PLLP: variants seen among roughly 807,000 people sequenced by gnomAD.
The protein encoded by PLLP is plasma membrane proteolipid (plasmolipin).
PLLP carries 15 observed loss-of-function variants against 19.7 expected under a neutral mutation model. The ratio of observed to expected loss-of-function variants is 0.76; its 90% CI spans 0.51 to 1.17. PLLP has a LOEUF of 1.17. Ranked by LOEUF, PLLP falls within the 50% of genes most tolerant of loss-of-function variation. PLLP has a pLI of 0.00. For missense variants in PLLP, 255 were observed against 258.3 expected, an observed-to-expected ratio of 0.99 and a Z score of 0.09; for synonymous variants, 111 against 116.3, an observed-to-expected ratio of 0.95 and a Z score of 0.29.
chr16:57,262,115 A>G (rs1323964353), intron 1 of PLLP, 45 bp from the exon 2 acceptor site: 2 of 1,585,776 alleles, frequency 1.3e-6, no homozygotes, highest in Non-Finnish European at 1.7e-6. Flanking sequence ...ATGCGGTTTC[A>G]TTTCTTATCT....
chr16:57,275,856 T>G (rs543755623), intron 1 of PLLP, among the ~76,000 whole-genome samples: 73 of 152,274 alleles, frequency 4.8e-4, no homozygotes, highest in African/African-American at 1.6e-3. Flanking sequence ...CGCCTTGCAT[T>G]TATAATTTCA....
At chr16:57,267,783 G>A (rs2075462143) in intron 1 of PLLP, among the ~76,000 whole-genome samples, 1 of 145,768 alleles carries the variant, frequency 6.9e-6, no homozygotes, top group African/African-American at 2.6e-5. Context: ...GGAGAGGCAG[G>A]AGAATCGCTT....
intron 1 of PLLP, among the ~76,000 whole-genome samples, chr16:57,265,274 C>A (rs1014670814): frequency 2.6e-5 from 4 of 152,270 alleles, no homozygotes; most frequent in Non-Finnish European, 5.9e-5. Context: ...CTGCCAGAAA[C>A]AGACACACCT....
chr16:57,277,450 C>G (rs1291399502), intron 1 of PLLP, among the ~76,000 whole-genome samples: 1 of 151,794 alleles, frequency 6.6e-6, no homozygotes, highest in African/African-American at 2.4e-5. Context: ...ATTAGTCAGG[C>G]CATGGTGGTG....
At chr16:57,277,078 G>A (rs749345427) in intron 1 of PLLP, among the ~76,000 whole-genome samples, 1 of 152,198 alleles carries the variant, frequency 6.6e-6, no homozygotes, top group African/African-American at 2.4e-5. Flanking sequence ...GAAGGATGTG[G>A]CTAGACTATA....
chr16:57,268,111 C>T (rs973705381), intron 1 of PLLP, among the ~76,000 whole-genome samples: 1 of 152,178 alleles, frequency 6.6e-6, no homozygotes, highest in African/African-American at 2.4e-5. Flanking sequence ...CTGGTCACCA[C>T]CAGAAGCCAG....
intron 1 of PLLP, among the ~76,000 whole-genome samples, chr16:57,282,228 C>CTTT (rs5817092): frequency 6.8e-6 from 1 of 146,568 alleles, no homozygotes; most frequent in Non-Finnish European, 1.5e-5. Flanking sequence ...TTTTTCTTTT[C>CTTT]TTTTTTTTTT....
intron 2 of PLLP, among the ~76,000 whole-genome samples, chr16:57,260,716 G>A (rs2075439381): frequency 6.6e-6 from 1 of 152,098 alleles, no homozygotes; most frequent in African/African-American, 2.4e-5. Context: ...GCAGCTTTCT[G>A]TGTGTCTGGC....
intron 1 of PLLP, among the ~76,000 whole-genome samples, chr16:57,283,969 G>A (rs1167320646): frequency 6.6e-6 from 1 of 152,154 alleles, no homozygotes; most frequent in East Asian, 1.9e-4. Context: ...GCCTCAGACT[G>A]GGTTCCCTAG....
intron 1 of PLLP, among the ~76,000 whole-genome samples, chr16:57,265,084 C>T (rs2075452991): frequency 6.6e-6 from 1 of 152,230 alleles, no homozygotes; most frequent in Non-Finnish European, 1.5e-5. Context: ...CCCCAACACA[C>T]AGCACCCTGC....
chr16:57,275,470 TTAAA>T (rs1414457938), intron 1 of PLLP, among the ~76,000 whole-genome samples: 1 of 151,518 alleles, frequency 6.6e-6, no homozygotes, highest in Non-Finnish European at 1.5e-5. Flanking sequence ...AACAAGGTAA[TTAAA>T]TACAACAAAT....
intron 3 of PLLP, 97 bp from the exon 4 acceptor site, chr16:57,257,126 G>A (rs975596967): frequency 3.2e-5 from 26 of 825,118 alleles, no homozygotes; most frequent in Non-Finnish European, 4.0e-5. Flanking sequence ...TGTGGCAGCC[G>A]CACCATCTCA....
intron 1 of PLLP, among the ~76,000 whole-genome samples, chr16:57,278,666 G>A (rs1236232305): frequency 6.6e-6 from 1 of 152,178 alleles, no homozygotes; most frequent in Non-Finnish European, 1.5e-5. Flanking sequence ...GAGCTGGGTT[G>A]GATGAAGATA....
At chr16:57,279,296 A>G (rs1334473996) in intron 1 of PLLP, among the ~76,000 whole-genome samples, 1 of 151,730 alleles carries the variant, frequency 6.6e-6, no homozygotes, top group Non-Finnish European at 1.5e-5. Flanking sequence ...CTGTGTTCCC[A>G]TCAGCACTCT....
At chr16:57,264,961 C>T (rs1029204354) in intron 1 of PLLP, among the ~76,000 whole-genome samples, 14 of 152,246 alleles carry the variant, frequency 9.2e-5, no homozygotes, top group African/African-American at 3.1e-4. Context: ...TTGCCTCCCC[C>T]CAACCCAAGT....
chr16:57,273,978 C>T (rs768372099), intron 1 of PLLP, among the ~76,000 whole-genome samples: 7 of 152,136 alleles, frequency 4.6e-5, no homozygotes, highest in East Asian at 1.9e-4. Context: ...GCCATATCCA[C>T]GAACGTGTAC....
At chr16:57,282,507 C>T (rs927001701) in intron 1 of PLLP, among the ~76,000 whole-genome samples, 7 of 151,946 alleles carry the variant, frequency 4.6e-5, no homozygotes, top group African/African-American at 1.7e-4. Context: ...CCATCAGGGG[C>T]CAGCCTCAGG....
chr16:57,278,319 G>A (rs1241739010), intron 1 of PLLP, among the ~76,000 whole-genome samples: 5 of 152,194 alleles, frequency 3.3e-5, no homozygotes, highest in Non-Finnish European at 7.3e-5. Flanking sequence ...CAGCCTGGAT[G>A]ACAGAGCACA....
intron 1 of PLLP, among the ~76,000 whole-genome samples, chr16:57,267,485 T>C (rs576417906): frequency 1.4e-4 from 21 of 152,112 alleles, no homozygotes; most frequent in Non-Finnish European, 2.6e-4. Flanking sequence ...AAGAATCACT[T>C]TGAACTCAGG....
Sources: allele counts gnomAD v4.1 joint callset (sites outside exome capture counted in the v4.1 genomes callset), GRCh38; gene constraint gnomAD v4.1.1; transcripts MANE v1.5; gene names NCBI Gene and HGNC (gene_info 2026-07-23, HGNC 2026-07-21).